The following VARS2 variants were observed in gnomAD, a reference collection of about 807,000 sequenced individuals.
VARS2 encodes valine--tRNA ligase, mitochondrial.
A neutral mutation model predicts 154.1 loss-of-function variants in VARS2; 105 were observed. The observed-to-expected ratio is 0.68, with a 90% CI of 0.58 to 0.80. The LOEUF (loss-of-function observed/expected upper bound fraction) is 0.80, where lower values mean the gene tolerates loss of function less well. Among genes scored for constraint, VARS2 ranks in the 30% least tolerant of loss-of-function variants. The pLI is 0.00. For synonymous variants in VARS2, 483 were observed against 539.5 expected, an observed-to-expected ratio of 0.90 and a Z score of 1.45; for missense variants, 1,157 against 1,361.4, an observed-to-expected ratio of 0.85 and a Z score of 2.36.
At position 30,925,405 on chromosome 6, in the gene VARS2, G is replaced by A. The variant is rs749198901; in HGVS notation, c.2785+20G>A. 5.6e-6 allele frequency: 9 copies of A among 1,598,976 alleles called. 2 individuals carry two copies. In the South Asian group the frequency reaches 7.8e-5, roughly 14 times the overall value. ...CCCGAGGTGAGGCAAGGCGGGTCCT[G>A]GGCTCGGATCCCTGCAGGAAAAGGG... On this transcript the variant is annotated intron_variant, in intron 27 of 29. Transcript: ENST00000676266.
In VARS2 at chr6:30,914,324, G is replaced by C; in HGVS notation, c.-48G>C. ...GTCCCTGCCGCCGCGGGGCGCCCTG[G>C]GATAGCGGCGGGGCCTCCTGGTGAG... is the stretch of plus-strand genomic sequence containing the variant. On this transcript the variant is annotated 5_prime_UTR_variant, in exon 1 of 30. Coordinates refer to ENST00000676266, the MANE Select transcript of VARS2 (RefSeq NM_020442.6). The C allele has an allele frequency of 8.4e-7, 1 of 1,193,016 alleles. No homozygotes were observed. 73.9% of individuals were successfully genotyped at this position (1,193,016 alleles called of 1,614,324 possible). A position where few individuals can be genotyped will look rare whatever the true frequency, so the allele number is the denominator to read the frequency against.
intron 4 of VARS2, 144 bp from the exon 5 acceptor site, chr6:30,915,602 C>T (rs1249177143): frequency 6.8e-7 from 1 of 1,472,792 alleles, no homozygotes; most frequent in African/African-American, 1.4e-5. Flanking sequence ...GGCAGGTTCC[C>T]CCTGGCCAAT....
At position 30,925,379 on chromosome 6, in the gene VARS2, C is replaced by A; in HGVS notation, c.2779C>A (p.Pro927Thr). 6.2e-7 allele frequency: 1 copy of A among 1,609,008 alleles called. No individual in the cohort carries two copies. The highest frequency in any genetic ancestry group is 8.5e-7 in the Non-Finnish European group (1 of 1,177,690). The stretch of plus-strand genomic sequence containing the variant: ...CACGTACCAGCTCACCAAAGCCCGG[C>A]CCCGAGGTGAGGCAAGGCGGGTCCT... ...RATYQLTKAR[P>T]RVLLQSSEPG... The change falls in exon 27 of 30, where the codon CCC (proline) becomes ACC (threonine). Residue 927 changes from proline (P) to threonine (T), a missense_variant. Physicochemically the swap from Pro to Thr is conservative, Grantham distance 38 (BLOSUM62 -1). Coordinates refer to ENST00000676266, the MANE Select transcript of VARS2 (RefSeq NM_020442.6).
chr6:30,926,065 G>A, intron 29 of VARS2, 44 bp from the exon 30 acceptor site: 1 of 1,612,862 alleles, frequency 6.2e-7, no homozygotes, highest in Non-Finnish European at 8.5e-7. Flanking sequence ...TGGGCCAGGA[G>A]GGGCCTCATT....
At chr6:30,923,667 G>T in intron 25 of VARS2, 162 bp downstream of exon 25, 1 of 1,097,068 alleles carries the variant, frequency 9.1e-7, no homozygotes, top group East Asian at 2.6e-5. Context: ...CCTGGGACTG[G>T]TTTTGGCAGT....
In VARS2 at chr6:30,925,258, TC is replaced by T. The variant is rs746765151; in HGVS notation, c.2674-9del. 7 of 1,600,016 alleles carry T rather than the reference TC, an allele frequency of 4.4e-6. No individual in the cohort carries two copies. Among genetic ancestry groups the T allele is most frequent in the South Asian group, 1.1e-5 (1 of 89,354 alleles). On this transcript the variant is annotated splice_polypyrimidine_tract_variant and intron_variant, in intron 26 of 29. Transcript: ENST00000676266. ...CAGGAGCCCCTTTGCCAATTCTGGG[TC>T]CCCCCCATTGCCAGGAGCACTGGCG...
chr6:30,922,411 C>T, intron 20 of VARS2, 39 bp from the exon 21 acceptor site: 1 of 1,610,018 alleles, frequency 6.2e-7, no homozygotes, highest in Admixed American at 1.7e-5. Context: ...AAGGCACCTC[C>T]AAGGAAACCC....
rs751795905 is a variant in VARS2, at chr6:30,914,875, T to A, written c.39T>A (p.Phe13Leu). 1.2e-6 allele frequency: 2 copies of A among 1,613,044 alleles called. No individual in the cohort carries two copies. The highest frequency in any genetic ancestry group is 2.2e-5 in the South Asian group (2 of 91,078). The change falls in exon 2 of 30, where the codon TTT (phenylalanine) becomes TTA (leucine). Residue 13 changes from phenylalanine to leucine, a missense_variant. By Grantham distance (22) the Phe-to-Leu change is conservative. Coordinates refer to ENST00000676266, the MANE Select transcript of VARS2 (RefSeq NM_020442.6). Reference sequence around the variant, plus strand: ...CTCTCGCCTCTTTTCGACCACCATTTTGGGGGCTGAGGCACTCACGGGGCC... The same window carrying A: ...CTCTCGCCTCTTTTCGACCACCATTATGGGGGCTGAGGCACTCACGGGGCC... ...HLPLASFRPPFWGLRHSRGLP... is the reference protein window; with the variant it reads ...HLPLASFRPPLWGLRHSRGLP...
Position 30,923,235 on chromosome 6 carries a change from A to G in VARS2, c.2313+4A>G. 2 of 1,613,052 alleles carry G rather than the reference A, an allele frequency of 1.2e-6. No individual in the cohort carries two copies. The highest frequency in any genetic ancestry group is 2.7e-5 in the African/African-American group (2 of 75,038). ...TGTGCCACAGCCTGCTGAGGAGGTA[A>G]GAGAAAACAGAGGTGCTTGGGAGTA... is the stretch of plus-strand genomic sequence containing the variant. On this transcript the variant is annotated splice_donor_region_variant and intron_variant, in intron 24 of 29. Transcript: ENST00000676266.
rs1794433797 is a variant in VARS2 at position 30,920,394 on chromosome 6, T to G, written c.1355T>G (p.Phe452Cys). ...TCTGTGCTGAGTGAATGGGGCCTGT[T>G]CCGGGGCCTCCAGAACCACCCCATG... ...IMSVLSEWGL[F>C]RGLQNHPMVL... Residue 452 changes from phenylalanine (F) to cysteine (C), a missense_variant, in exon 14 of 30, where the codon TTC becomes TGC. Coordinates refer to ENST00000676266, the MANE Select transcript of VARS2 (RefSeq NM_020442.6). The surrounding 1 kb of genome is among the most constrained non-coding windows in gnomAD (Gnocchi z 4.6). 7 of 1,612,768 alleles carry G rather than the reference T, an allele frequency of 4.3e-6. No individual in the cohort carries two copies. The highest frequency in any genetic ancestry group is 5.9e-6 in the Non-Finnish European group (7 of 1,179,440).
Position 30,914,862 on chromosome 6 carries a change from T to C in VARS2, c.26T>C (p.Phe9Ser). 1 of 1,613,078 alleles carries C rather than the reference T, an allele frequency of 6.2e-7. No individual in the cohort carries two copies. The highest frequency in any genetic ancestry group is 2.2e-5 in the East Asian group (1 of 44,876). The part of the protein sequence containing the change: MPHLPLAS[F>S]RPPFWGLRHS... ...ATGCCTCATTTGCCTCTCGCCTCTT[T>C]TCGACCACCATTTTGGGGGCTGAGG... Residue 9 changes from phenylalanine to serine, a missense_variant, in exon 2 of 30, where the codon TTT (phenylalanine) becomes TCT (serine). By Grantham distance (155) the Phe-to-Ser change is radical. Transcript: ENST00000676266.
intron 25 of VARS2, chr6:30,924,103 G>A (rs1582201964): frequency 3.5e-6 from 2 of 575,426 alleles, no homozygotes. Flanking sequence ...AAAACTCAAT[G>A]ATTTTTTTCC....
intron 10 of VARS2, among the ~76,000 whole-genome samples, chr6:30,918,291 C>T (rs1349167698): frequency 6.6e-6 from 1 of 152,220 alleles, no homozygotes; most frequent in Non-Finnish European, 1.5e-5. Flanking sequence ...TGGTCTCGAA[C>T]TCCTGACCTC....
At chr6:30,918,735 C>T in intron 10 of VARS2, 92 bp from the exon 11 acceptor site, 3 of 1,077,614 alleles carry the variant, frequency 2.8e-6, no homozygotes, top group Non-Finnish European at 4.1e-6. Flanking sequence ...CTCCCTGCCC[C>T]TTCCCCTTTC....
At position 30,924,410 on chromosome 6, in the gene VARS2, C is replaced by G. The variant is rs1334099163; in HGVS notation, c.2523C>G (p.Val841=). The part of the protein sequence containing the change: ...HSPRPLGPPQ[V]LFSCADLGLR... ...CCCGCCCCCTGGGGCCCCCTCAGGT[C>G]CTGTTCTCCTGCGCTGACCTCGGCC... is the stretch of plus-strand genomic sequence containing the variant. The change falls in exon 26 of 30, where the codon GTC becomes GTG. Residue 841 remains valine (V), a synonymous_variant. Coordinates refer to ENST00000676266, the MANE Select transcript of VARS2 (RefSeq NM_020442.6). 5.6e-6 allele frequency: 9 copies of G among 1,612,892 alleles called. No individual in the cohort carries two copies. Among genetic ancestry groups the G allele is most frequent in the Non-Finnish European group, 7.6e-6 (9 of 1,179,982 alleles).
chr6:30,915,776 T>C lies in VARS2; in HGVS notation c.415T>C (p.Phe139Leu). The change falls in exon 5 of 30, where the codon TTT (phenylalanine) becomes CTT (leucine). Residue 139 changes from phenylalanine to leucine, a missense_variant. Physicochemically the swap from Phe to Leu is conservative, Grantham distance 22 (BLOSUM62 0). Coordinates refer to ENST00000676266, the MANE Select transcript of VARS2 (RefSeq NM_020442.6). ...GCTGCCCCAAGCTACAGGGGAGACC[T>C]TTTCCATGTGTATCCCACCTCCCAA... is the stretch of plus-strand genomic sequence containing the variant. Reference protein sequence around the residue: ...ARLPQATGETFSMCIPPPNVT... With the variant: ...ARLPQATGETLSMCIPPPNVT... 1 of 1,613,748 alleles carries C rather than the reference T, an allele frequency of 6.2e-7. No individual in the cohort carries two copies. Among genetic ancestry groups the C allele is most frequent in the East Asian group, 2.2e-5 (1 of 44,890 alleles).
Position 30,916,005 on chromosome 6 carries a change from G to A in VARS2, c.531G>A (p.Val177=), listed in dbSNP as rs201828491. The A allele has an allele frequency of 1.9e-6, 3 of 1,614,042 alleles. No homozygotes were observed. Among genetic ancestry groups the A allele is most frequent in the African/African-American group, 2.7e-5 (2 of 75,048 alleles). ...VRWHRMRGDQ[V]LWVPGSDHAG... ...GGCACCGGATGCGTGGGGATCAAGT[G>A]CTGTGGGTCCCTGGTTCAGATCATG... Residue 177 remains valine (V), a synonymous_variant, in exon 6 of 30, where the codon GTG becomes GTA. Coordinates refer to ENST00000676266, the MANE Select transcript of VARS2 (RefSeq NM_020442.6). This position sits in a 1 kb window ranked among gnomAD's most constrained non-coding sequence, Gnocchi z 4.0.
In VARS2 at chr6:30,921,393, C is replaced by T. The variant is rs925243972; in HGVS notation, c.1632+88C>T. 1 of 1,534,720 alleles carries T rather than the reference C, an allele frequency of 6.5e-7. No individual in the cohort carries two copies. Among genetic ancestry groups the T allele is most frequent in the Non-Finnish European group, 9.0e-7 (1 of 1,113,760 alleles). ...AGCTCCGCAGGGCCAAGTCCCGCTCCTGCCTGGTCATGTGCTTCATGCTCA... is the reference window on the plus strand; with the variant it reads ...AGCTCCGCAGGGCCAAGTCCCGCTCTTGCCTGGTCATGTGCTTCATGCTCA... On this transcript the variant is annotated intron_variant, in intron 17 of 29. Coordinates refer to ENST00000676266, the MANE Select transcript of VARS2 (RefSeq NM_020442.6). The surrounding 1 kb of genome is among the most constrained non-coding windows in gnomAD (Gnocchi z 4.6).
rs940825249 is a variant in VARS2, at chr6:30,917,627, A to G, written c.874-68A>G. On this transcript the variant is annotated intron_variant, in intron 9 of 29. Coordinates refer to ENST00000676266, the MANE Select transcript of VARS2 (RefSeq NM_020442.6). This position sits in a 1 kb window ranked among gnomAD's most constrained non-coding sequence, Gnocchi z 4.4. ...GAGGCTGGGCAGATGGATGAGTGGC[A>G]GAGTGAAGCCTGGGCATGAGCCTTG... 2.3e-5 allele frequency: 32 copies of G among 1,403,986 alleles called. No individual in the cohort carries two copies. In the Admixed American group the frequency reaches 4.7e-4, roughly 21 times the overall value. 87.0% of individuals were successfully genotyped at this position (1,403,986 alleles called of 1,614,324 possible).
Sources: allele counts gnomAD v4.1 joint callset (sites outside exome capture counted in the v4.1 genomes callset), GRCh38; gene constraint gnomAD v4.1.1; non-coding constraint Gnocchi (gnomAD v3.1); transcripts MANE v1.5; gene names NCBI Gene and HGNC (gene_info 2026-07-23, HGNC 2026-07-21).